The following RBFOX1 variants were observed in gnomAD, a reference collection of about 807,000 sequenced individuals.
RBFOX1 encodes RNA binding protein fox-1 homolog 1.
RBFOX1 carries 8 observed loss-of-function variants against 57.7 expected under a neutral mutation model. That is an observed-to-expected ratio of 0.14 (90% CI 0.08 to 0.25). RBFOX1 has a LOEUF of 0.25. Among genes scored for constraint, RBFOX1 ranks in the 10% least tolerant of loss-of-function variants. RBFOX1 has a pLI of 1.00. For missense variants in RBFOX1, 611 were observed against 548.5 expected (o/e 1.11, Z -1.14); for synonymous variants, 326 against 222.4 (o/e 1.47, Z -4.15).
At chr16:5,996,181 C>T (rs2060487239) in intron 4 of RBFOX1, among the ~76,000 whole-genome samples, 1 of 152,024 alleles carries the variant, frequency 6.6e-6, no homozygotes, top group South Asian at 2.1e-4. Context: ...ACATTCAGAC[C>T]ATAACAGAAA....
At chr16:5,411,610 TTAG>T (rs1480403307) in intron 1 of RBFOX1, among the ~76,000 whole-genome samples, 1 of 151,990 alleles carries the variant, frequency 6.6e-6, no homozygotes, top group Admixed American at 6.6e-5. Context: ...CAACAGAAAA[TTAG>T]TAGTTGGCCG....
intron 4 of RBFOX1, among the ~76,000 whole-genome samples, chr16:5,895,826 T>G (rs1413983096): frequency 6.6e-6 from 1 of 152,188 alleles, no homozygotes; most frequent in Non-Finnish European, 1.5e-5. Flanking sequence ...GTTATTTGTA[T>G]TATAAACGGA....
At chr16:7,039,248 C>A (rs970850628) in intron 3 of RBFOX1, among the ~76,000 whole-genome samples, 1 of 152,104 alleles carries the variant, frequency 6.6e-6, no homozygotes, top group Non-Finnish European at 1.5e-5. Flanking sequence ...ACAACAAATC[C>A]ATTATTATTT....
intron 3 of RBFOX1, among the ~76,000 whole-genome samples, chr16:6,820,980 T>C (rs946248950): frequency 4.6e-5 from 7 of 152,246 alleles, no homozygotes; most frequent in African/African-American, 1.7e-4. Flanking sequence ...TTATGTGTTA[T>C]ATACAGTTAC....
At chr16:6,139,558 T>C (rs2096697177) in intron 1 of RBFOX1, among the ~76,000 whole-genome samples, 1 of 152,220 alleles carries the variant, frequency 6.6e-6, no homozygotes, top group Non-Finnish European at 1.5e-5. Flanking sequence ...AGGCTCTGCA[T>C]GGTGTTTGAA....
intron 2 of RBFOX1, among the ~76,000 whole-genome samples, chr16:6,359,207 C>G (rs2087946265): frequency 6.6e-6 from 1 of 152,124 alleles, no homozygotes; most frequent in East Asian, 1.9e-4. Flanking sequence ...ATTCTCCTGC[C>G]TCTGCCTCCT....
chr16:5,648,799 C>G (rs950654126), intron 3 of RBFOX1, among the ~76,000 whole-genome samples: 2 of 152,158 alleles, frequency 1.3e-5, no homozygotes, highest in African/African-American at 2.4e-5. Flanking sequence ...CACACTGGCT[C>G]ATGCCTGTAA....
At chr16:7,238,832 C>T (rs1471710455) in intron 4 of RBFOX1, among the ~76,000 whole-genome samples, 1 of 152,104 alleles carries the variant, frequency 6.6e-6, no homozygotes, top group African/African-American at 2.4e-5. Flanking sequence ...GTGTTGTTCC[C>T]CTCTATGTGT....
chr16:5,706,467 G>A (rs538363843), intron 3 of RBFOX1, among the ~76,000 whole-genome samples: 1 of 152,298 alleles, frequency 6.6e-6, no homozygotes, highest in African/African-American at 2.4e-5. Flanking sequence ...TATGCTGGGT[G>A]AGTCATGATG....
intron 3 of RBFOX1, among the ~76,000 whole-genome samples, chr16:5,814,725 G>A (rs1211936569): frequency 6.6e-6 from 1 of 152,076 alleles, no homozygotes; most frequent in African/African-American, 2.4e-5. Flanking sequence ...TCAGGAGATC[G>A]AGACCATCCT....
chr16:6,426,184 C>T (rs947200782), intron 2 of RBFOX1, among the ~76,000 whole-genome samples: 4 of 151,698 alleles, frequency 2.6e-5, no homozygotes, highest in Non-Finnish European at 5.9e-5. Context: ...CTCCTCCCTT[C>T]CTTCCTTCGT....
chr16:5,953,752 G>T (rs924954852), intron 4 of RBFOX1, among the ~76,000 whole-genome samples: 4 of 150,348 alleles, frequency 2.7e-5, no homozygotes, highest in African/African-American at 9.8e-5. Flanking sequence ...TCATCCACTT[G>T]ATTGATGGAC....
intron 1 of RBFOX1, among the ~76,000 whole-genome samples, chr16:6,195,359 A>G (rs1350699335): frequency 6.6e-6 from 1 of 152,064 alleles, no homozygotes; most frequent in Non-Finnish European, 1.5e-5. Context: ...GTCAATCAGG[A>G]GTTTATGTAT....
At chr16:6,962,151 C>T (rs1349648000) in intron 3 of RBFOX1, among the ~76,000 whole-genome samples, 5 of 151,966 alleles carry the variant, frequency 3.3e-5, no homozygotes, top group African/African-American at 1.2e-4. Context: ...TAGGAGAATC[C>T]CTCCTTTCTA....
At chr16:7,571,510 C>A (rs972358356) in intron 5 of RBFOX1, among the ~76,000 whole-genome samples, 25 of 152,188 alleles carry the variant, frequency 1.6e-4, no homozygotes, top group Non-Finnish European at 3.2e-4. Context: ...TTATTAAGGT[C>A]TTTGTGGAAG....
At position 7,229,663 on chromosome 16, in the gene RBFOX1, GCAAAGGAAGTA is replaced by G. The variant is rs1603399873; in HGVS notation, c.27+177566_27+177576del. 1.1e-3 allele frequency among the ~76,000 whole-genome samples: 100 copies of G among 89,310 alleles called. 1 individual carries two copies. The highest frequency in any genetic ancestry group is 2.2e-3 in the East Asian group (7 of 3,198). 58.6% of individuals were successfully genotyped at this position (89,310 alleles called of 152,430 possible). On this transcript the variant is annotated intron_variant, in intron 4 of 15. Coordinates refer to ENST00000550418, the MANE Select transcript of RBFOX1 (RefSeq NM_018723.4). ...AGGAAGGGAGAGAGAGGGAGGAAGG[GCAAAGGAAGTA>G]AGGGAGAGAGACGAAGGAAGAGGGG...
At chr16:6,946,089 G>T (rs2079458567) in intron 3 of RBFOX1, among the ~76,000 whole-genome samples, 1 of 152,142 alleles carries the variant, frequency 6.6e-6, no homozygotes, top group African/African-American at 2.4e-5. Flanking sequence ...ACCTTCAATG[G>T]GTAACTCAGG....
chr16:6,780,263 ATT>A (rs2080591280), intron 3 of RBFOX1, among the ~76,000 whole-genome samples: 1 of 80,456 alleles, frequency 1.2e-5, no homozygotes, highest in Non-Finnish European at 2.0e-5. Flanking sequence ...TTATATATAT[ATT>A]TATACATATA....
intron 3 of RBFOX1, among the ~76,000 whole-genome samples, chr16:6,941,729 G>T (rs1158761178): frequency 6.6e-6 from 1 of 152,166 alleles, no homozygotes; most frequent in African/African-American, 2.4e-5. Context: ...ATTGGATTTG[G>T]CTTCTGAGAA....
Sources: allele counts gnomAD v4.1 joint callset (sites outside exome capture counted in the v4.1 genomes callset), GRCh38; gene constraint gnomAD v4.1.1; transcripts MANE v1.5; gene names NCBI Gene and HGNC (gene_info 2026-07-23, HGNC 2026-07-21).